UQCC1: variants seen among roughly 807,000 people sequenced by gnomAD.
UQCC1 encodes the protein bFGF-repressed Zic-binding protein.
Under a neutral mutation model 48.0 loss-of-function variants are expected in UQCC1, and 38 were observed. The observed-to-expected ratio is 0.79, with a 90% confidence interval of 0.61 to 1.04. The LOEUF (loss-of-function observed/expected upper bound fraction) is 1.04, where lower values mean the gene tolerates loss of function less well. Ranked by LOEUF, UQCC1 falls within the 50% of genes least tolerant of loss-of-function variation. UQCC1 has a pLI of 0.00. For synonymous variants in UQCC1, 111 were observed against 129.2 expected (o/e 0.86, Z 0.95); for missense variants, 368 against 381.8 (o/e 0.96, Z 0.30).
intron 7 of UQCC1, among the ~76,000 whole-genome samples, chr20:35,319,033 T>C (rs966298839): frequency 6.6e-6 from 1 of 152,202 alleles, no homozygotes; most frequent in Non-Finnish European, 1.5e-5. Flanking sequence ...ATCCTTTCCA[T>C]AATGCTTTGC....
intron 8 of UQCC1, among the ~76,000 whole-genome samples, chr20:35,310,723 C>T (rs1354115841): frequency 2.4e-5 from 3 of 124,240 alleles, no homozygotes; most frequent in African/African-American, 9.4e-5. Flanking sequence ...GATGGAGTCT[C>T]GCTCTGTCAC....
intron 5 of UQCC1, among the ~76,000 whole-genome samples, chr20:35,372,647 T>C (rs6142359): frequency 0.54 from 82,570 of 152,134 alleles, 23,449 homozygotes; most frequent in East Asian, 0.72. Flanking sequence ...AGGTGGATCA[T>C]GTGAGGCCAA....
At chr20:35,397,513 C>CAA (rs376172666) in intron 1 of UQCC1, among the ~76,000 whole-genome samples, 132 of 60,984 alleles carry the variant, frequency 2.2e-3, no homozygotes, top group African/African-American at 7.0e-3. Context: ...GAGACTGTCT[C>CAA]AAAAAAAAAA....
intron 8 of UQCC1, among the ~76,000 whole-genome samples, chr20:35,314,099 G>C (rs950799542): frequency 3.9e-5 from 6 of 151,906 alleles, no homozygotes; most frequent in Non-Finnish European, 1.5e-5. Flanking sequence ...AGAGTAGCTG[G>C]GATTACAGGC....
In UQCC1 at chr20:35,385,685, G is replaced by A. The variant is rs186370471; in HGVS notation, c.130-1552C>T. Among the ~76,000 whole-genome samples the A allele has an allele frequency of 4.1e-3, 623 of 152,206 alleles. 1 individual carries two copies. The highest frequency in any genetic ancestry group is 7.1e-3 in the Non-Finnish European group (484 of 67,996). On this transcript the variant is annotated intron_variant, in intron 2 of 9. Coordinates refer to ENST00000374385, the MANE Select transcript of UQCC1 (RefSeq NM_018244.5). Reference sequence around the variant, plus strand: ...CCCTGCTGATTTTTGTATTTTTGTAGAGACAGTGTCTCCATATGTTGCCCA... The same window carrying A: ...CCCTGCTGATTTTTGTATTTTTGTAAAGACAGTGTCTCCATATGTTGCCCA...
intron 1 of UQCC1, among the ~76,000 whole-genome samples, chr20:35,406,289 C>T (rs1213799077): frequency 3.9e-5 from 6 of 152,110 alleles, no homozygotes; most frequent in Admixed American, 6.5e-5. Context: ...ATAGGATAAA[C>T]ACAAAGAGAG....
At chr20:35,321,721 C>T (rs2146325594) in intron 7 of UQCC1, among the ~76,000 whole-genome samples, 1 of 152,246 alleles carries the variant, frequency 6.6e-6, no homozygotes, top group East Asian at 1.9e-4. Flanking sequence ...AAACCCCTTT[C>T]TTATTTATTT....
Position 35,343,919 on chromosome 20 carries a change from C to A in UQCC1, c.573+3245G>T, listed in dbSNP as rs2061406979. On this transcript the variant is annotated intron_variant, in intron 7 of 9. Transcript: ENST00000374385. ...ACATTAAAGTATGAGAAACGCTGAT[C>A]TAAAACACTCCCTTATGGGGCAGCA... 2.0e-5 allele frequency among the ~76,000 whole-genome samples: 3 copies of A among 152,078 alleles called. No individual in the cohort carries two copies. The South Asian group carries it at 6.3e-4, about 32-fold the overall frequency.
At chr20:35,316,060 A>G (rs1271453261) in intron 7 of UQCC1, among the ~76,000 whole-genome samples, 2 of 152,186 alleles carry the variant, frequency 1.3e-5, no homozygotes, top group African/African-American at 4.8e-5. Context: ...TCCAGACAGT[A>G]ACACGCTGTA....
At chr20:35,382,175 T>C (rs2146483308) in intron 3 of UQCC1, 150 bp from the exon 4 acceptor site, 4 of 543,328 alleles carry the variant, frequency 7.4e-6, no homozygotes, top group Non-Finnish European at 1.3e-5. Context: ...GGCACAATCA[T>C]AGCTCACTGC....
chr20:35,310,664 A>T (rs1258584709), intron 8 of UQCC1, among the ~76,000 whole-genome samples: 1 of 148,674 alleles, frequency 6.7e-6, no homozygotes, highest in Non-Finnish European at 1.5e-5. Context: ...AAAAAAAAAA[A>T]AAAATTGGGA....
chr20:35,379,277 T>C (rs1334017704), intron 4 of UQCC1, among the ~76,000 whole-genome samples: 1 of 152,200 alleles, frequency 6.6e-6, no homozygotes, highest in Non-Finnish European at 1.5e-5. Flanking sequence ...AGAGAAAAGA[T>C]AGCTGATACT....
At chr20:35,394,222 C>T in intron 1 of UQCC1, 26 bp from the exon 2 acceptor site, 1 of 1,589,298 alleles carries the variant, frequency 6.3e-7, no homozygotes, top group South Asian at 1.1e-5. Flanking sequence ...AATAATCTGT[C>T]AGGAATCTAA....
At chr20:35,310,106 T>C (rs2060973581) in intron 8 of UQCC1, among the ~76,000 whole-genome samples, 1 of 152,206 alleles carries the variant, frequency 6.6e-6, no homozygotes, top group Admixed American at 6.5e-5. Context: ...TGTAGTTAGA[T>C]ATTTACTGCT....
intron 1 of UQCC1, among the ~76,000 whole-genome samples, chr20:35,401,398 A>T (rs952510166): frequency 2.6e-5 from 4 of 152,216 alleles, no homozygotes; most frequent in African/African-American, 4.8e-5. Context: ...AATACGAAAA[A>T]TATGGCACTA....
chr20:35,376,364 C>T (rs963685703), intron 4 of UQCC1, among the ~76,000 whole-genome samples: 1 of 151,858 alleles, frequency 6.6e-6, no homozygotes. Flanking sequence ...AAAAGAAAAG[C>T]CCAAAACACA....
chr20:35,363,168 C>T (rs1048134152), intron 6 of UQCC1, among the ~76,000 whole-genome samples: 5 of 151,866 alleles, frequency 3.3e-5, no homozygotes, highest in African/African-American at 1.2e-4. Context: ...GCATTTGTTA[C>T]GATGGGTCAG....
At chr20:35,321,252 C>CTGTGTG (rs58532328) in intron 7 of UQCC1, among the ~76,000 whole-genome samples, 2,415 of 147,264 alleles carry the variant, frequency 0.016, 41 homozygotes, top group African/African-American at 0.035. Context: ...ACAAACAAAA[C>CTGTGTG]TGTGTGTGTG....
chr20:35,403,827 T>C (rs1204659), intron 1 of UQCC1, among the ~76,000 whole-genome samples: 151,441 of 152,248 alleles, frequency 0.99, 75,323 homozygotes, highest in East Asian at 1. Flanking sequence ...AACCAAACAC[T>C]GCATGTTCTC....
Sources: allele counts gnomAD v4.1 joint callset (sites outside exome capture counted in the v4.1 genomes callset), GRCh38; gene constraint gnomAD v4.1.1; transcripts MANE v1.5; gene names NCBI Gene and HGNC (gene_info 2026-07-23, HGNC 2026-07-21).